The following PPP2R2C variants were observed in gnomAD, a reference collection of about 807,000 sequenced individuals.
PPP2R2C encodes protein phosphatase 2 regulatory subunit Bgamma, also known as protein phosphatase 2, regulatory subunit B, gamma.
A neutral mutation model predicts 45.3 loss-of-function variants in PPP2R2C; 10 were observed. The observed-to-expected ratio is 0.22, with a 90% CI of 0.14 to 0.37. The LOEUF is 0.37. Among genes scored for constraint, PPP2R2C ranks in the 10% least tolerant of loss-of-function variants. The probability of loss-of-function intolerance (pLI) is 1.00; values close to 1 mark genes in which losing one functional copy is unlikely to be tolerated. For missense variants in PPP2R2C, 308 were observed against 619.7 expected, an observed-to-expected ratio of 0.50 and a Z score of 5.34; for synonymous variants, 257 against 245.4, an observed-to-expected ratio of 1.05 and a Z score of -0.44.
At chr4:6,486,765 A>T (rs1180307591) in intron 2 of PPP2R2C, among the ~76,000 whole-genome samples, 2 of 152,084 alleles carry the variant, frequency 1.3e-5, no homozygotes, top group African/African-American at 2.4e-5. Context: ...GCATGTAGGC[A>T]GCATATATTT....
chr4:6,521,335 G>A (rs890490610), intron 2 of PPP2R2C, among the ~76,000 whole-genome samples: 3 of 152,322 alleles, frequency 2.0e-5, no homozygotes, highest in African/African-American at 7.2e-5. Flanking sequence ...CCATCAATTA[G>A]ACACGCACTC....
upstream of PPP2R2C, among the ~76,000 whole-genome samples, chr4:6,473,354 C>A (rs146600771): frequency 2.0e-3 from 310 of 152,320 alleles, 1 homozygote; most frequent in African/African-American, 7.1e-3. Context: ...GGTAATCAGC[C>A]TGGCACATAG....
chr4:6,414,549 C>G (rs1271183096), intron 1 of PPP2R2C, among the ~76,000 whole-genome samples: 3 of 152,042 alleles, frequency 2.0e-5, no homozygotes, highest in Non-Finnish European at 4.4e-5. Context: ...CAGCACTTTA[C>G]AGTTGACACA....
chr4:6,413,539 C>T (rs1455371610), intron 1 of PPP2R2C, among the ~76,000 whole-genome samples: 1 of 152,230 alleles, frequency 6.6e-6, no homozygotes, highest in Non-Finnish European at 1.5e-5. Context: ...CGGGCAGATG[C>T]TGGTGGGTGT....
chr4:6,392,397 T>C lies in PPP2R2C; in HGVS notation c.71-11303A>G, dbSNP rs1716707407. 3.7e-5 allele frequency among the ~76,000 whole-genome samples: 5 copies of C among 136,432 alleles called. No homozygotes were observed. In the Admixed American group the frequency reaches 4.0e-4, roughly 11 times the overall value. The allele number at this position is 136,432 out of a possible 152,430, so 89.5% of individuals were successfully genotyped here. A position where few individuals can be genotyped will look rare whatever the true frequency, so the allele number is the denominator to read the frequency against. On this transcript the variant is annotated intron_variant, in intron 1 of 8. Transcript: ENST00000382599. The stretch of plus-strand genomic sequence containing the variant: ...AATAAATAGCTCTTGGAGGGAGATA[T>C]AAGGGCTAAGATGAAAACTATAGTA...
At chr4:6,348,521 C>A (rs565686989) in intron 5 of PPP2R2C, 1 of 495,968 alleles carries the variant, frequency 2.0e-6, no homozygotes, top group Non-Finnish European at 2.6e-6. Context: ...TTCCTGCCCC[C>A]GGCACCTGCT....
Position 6,478,281 on chromosome 4 carries a change from G to A in PPP2R2C, c.49+56990C>T, listed in dbSNP as rs113904341. On this transcript the variant is annotated intron_variant, in intron 2 of 9. Coordinates refer to the PPP2R2C transcript ENST00000506140. ...GCTGACCACACACATCCTGCTTCTC[G>A]CCTCCTTCTGTGCCTGGGGTAGATT... 2.1e-3 allele frequency among the ~76,000 whole-genome samples: 322 copies of A among 152,286 alleles called. 1 individual carries two copies. Among genetic ancestry groups the A allele is most frequent in the African/African-American group, 7.0e-3 (291 of 41,550 alleles).
intron 1 of PPP2R2C, among the ~76,000 whole-genome samples, chr4:6,409,640 A>G (rs1325889988): frequency 6.6e-6 from 1 of 152,154 alleles, no homozygotes; most frequent in Non-Finnish European, 1.5e-5. Flanking sequence ...GCACAGGAGC[A>G]CCACAGCTGA....
chr4:6,458,063 T>C (rs142426897), intron 1 of PPP2R2C, among the ~76,000 whole-genome samples: 1 of 152,368 alleles, frequency 6.6e-6, no homozygotes, highest in East Asian at 1.9e-4. Context: ...TAAGAGCTTC[T>C]TGAAGGGTAG....
At chr4:6,472,050 CG>C in intron 1 of PPP2R2C, 109 bp downstream of exon 1, 2 of 1,091,714 alleles carry the variant, frequency 1.8e-6, no homozygotes, top group African/African-American at 3.7e-5. Context: ...TGGGGTGGGG[CG>C]GGGGGACACG....
At chr4:6,340,994 C>G (rs1337475150) in intron 6 of PPP2R2C, among the ~76,000 whole-genome samples, 1 of 152,246 alleles carries the variant, frequency 6.6e-6, no homozygotes. Flanking sequence ...CTTTCTGCAG[C>G]AGATCCATTA....
Position 6,331,792 on chromosome 4 carries a change from C to A in PPP2R2C, c.960+1770G>T, listed in dbSNP as rs144435144. 1.3e-5 allele frequency among the ~76,000 whole-genome samples: 2 copies of A among 152,014 alleles called. No homozygotes were observed. The highest frequency in any genetic ancestry group is 2.9e-5 in the Non-Finnish European group (2 of 68,028). The stretch of plus-strand genomic sequence containing the variant: ...TGTGGCGCTGCCGGGGTCATGGAGC[C>A]CCCCCACCTTCCTGGACTGCCCTCT... On this transcript the variant is annotated intron_variant, in intron 7 of 8. Coordinates refer to ENST00000382599, the MANE Select transcript of PPP2R2C (RefSeq NM_020416.4). The surrounding 1 kb of genome is among the most constrained non-coding windows in gnomAD (Gnocchi z 5.9).
intron 1 of PPP2R2C, among the ~76,000 whole-genome samples, chr4:6,554,418 G>A (rs534522509): frequency 3.3e-5 from 5 of 152,246 alleles, no homozygotes; most frequent in South Asian, 2.1e-4. Context: ...TATCGTCTTC[G>A]TCCCAGACTG....
chr4:6,381,312 G>A (rs1258305350), intron 1 of PPP2R2C: 60 of 1,522,214 alleles, frequency 3.9e-5, no homozygotes, highest in Non-Finnish European at 3.7e-5. Context: ...CTGCAGGGCA[G>A]AGATCTCGGG....
intron 6 of PPP2R2C, among the ~76,000 whole-genome samples, chr4:6,336,174 G>A (rs1732830864): frequency 6.6e-6 from 1 of 152,044 alleles, no homozygotes; most frequent in African/African-American, 2.4e-5. Flanking sequence ...ACTGACAGTA[G>A]GCGCCTCCCT....
intron 1 of PPP2R2C, among the ~76,000 whole-genome samples, chr4:6,557,515 C>T (rs1207489937): frequency 2.0e-5 from 3 of 152,132 alleles, no homozygotes; most frequent in African/African-American, 7.2e-5. Context: ...ATGGAAGCTG[C>T]GACCTGAAGG....
chr4:6,483,382 G>C (rs150471591), intron 2 of PPP2R2C, among the ~76,000 whole-genome samples: 1 of 151,884 alleles, frequency 6.6e-6, no homozygotes, highest in Admixed American at 6.6e-5. Context: ...ATCATTTTAC[G>C]TTCCCATCAG....
intron 2 of PPP2R2C, chr4:6,535,139 G>C: frequency 9.5e-7 from 1 of 1,057,214 alleles, no homozygotes; most frequent in Non-Finnish European, 1.4e-6. Flanking sequence ...GAGCAGGGGA[G>C]GGACCGGATC....
chr4:6,424,915 G>T (rs528377419), intron 1 of PPP2R2C, among the ~76,000 whole-genome samples: 1 of 152,188 alleles, frequency 6.6e-6, no homozygotes, highest in Non-Finnish European at 1.5e-5. Flanking sequence ...GCCCAGCTGT[G>T]TGGCCACAGA....
Sources: allele counts gnomAD v4.1 joint callset (sites outside exome capture counted in the v4.1 genomes callset), GRCh38; gene constraint gnomAD v4.1.1; non-coding constraint Gnocchi (gnomAD v3.1); transcripts MANE v1.5; gene names NCBI Gene and HGNC (gene_info 2026-07-23, HGNC 2026-07-21).